PLCB1: variants seen among roughly 807,000 people sequenced by gnomAD.
PLCB1 encodes 1-phosphatidylinositol 4,5-bisphosphate phosphodiesterase beta-1.
In PLCB1, 46 loss-of-function variants were observed where a neutral mutation model predicts 161.8. The observed-to-expected ratio is 0.28, with a 90% CI of 0.22 to 0.36. The LOEUF is 0.36. Among genes scored for constraint, PLCB1 ranks in the 10% least tolerant of loss-of-function variants. The probability of loss-of-function intolerance (pLI) is 1.00; values close to 1 mark genes in which losing one functional copy is unlikely to be tolerated. For missense variants in PLCB1, 1,016 were observed against 1,472.5 expected, an observed-to-expected ratio of 0.69 and a Z score of 5.07; for synonymous variants, 517 against 503.7, an observed-to-expected ratio of 1.03 and a Z score of -0.35.
intron 3 of PLCB1, among the ~76,000 whole-genome samples, chr20:8,459,369 G>T (rs567630739): frequency 1.3e-5 from 2 of 152,182 alleles, no homozygotes; most frequent in Non-Finnish European, 2.9e-5. Context: ...GAAGTTGAAT[G>T]CTTAATTACT....
intron 3 of PLCB1, among the ~76,000 whole-genome samples, chr20:8,626,177 CAAAAAA>C (rs71184104): frequency 2.6e-5 from 3 of 117,486 alleles, no homozygotes; most frequent in Admixed American, 8.7e-5. Flanking sequence ...GACTCCATCT[CAAAAAA>C]AAAAAAAAAA....
At chr20:8,634,784 G>A (rs181284623) in intron 4 of PLCB1, among the ~76,000 whole-genome samples, 1 of 152,258 alleles carries the variant, frequency 6.6e-6, no homozygotes, top group Admixed American at 6.5e-5. Flanking sequence ...GCTGGGCACT[G>A]AGGATTCATC....
intron 3 of PLCB1, among the ~76,000 whole-genome samples, chr20:8,513,186 A>C (rs1983966204): frequency 1.3e-5 from 2 of 152,256 alleles, no homozygotes; most frequent in South Asian, 4.1e-4. Context: ...AAGAACAAGC[A>C]AAGTTGATCA....
intron 3 of PLCB1, among the ~76,000 whole-genome samples, chr20:8,400,820 A>G (rs708918): frequency 0.27 from 41,252 of 151,882 alleles, 5,985 homozygotes; most frequent in East Asian, 0.39. Flanking sequence ...TTGCTGCCTC[A>G]AACAATGCTT....
chr20:8,156,822 A>G (rs2051568156), intron 2 of PLCB1, among the ~76,000 whole-genome samples: 1 of 152,212 alleles, frequency 6.6e-6, no homozygotes, highest in Non-Finnish European at 1.5e-5. Context: ...TTAGCATAAC[A>G]CCTGCTACTT....
At chr20:8,689,970 T>TTTTTTTTTTTTTGAGACGGA (rs1555783592) in intron 10 of PLCB1, among the ~76,000 whole-genome samples, 1 of 140,294 alleles carries the variant, frequency 7.1e-6, no homozygotes, top group East Asian at 2.0e-4. Context: ...TCCAAATTTC[T>TTTTTTTTTTTTTGAGACGGA]GTACAATGGT....
At chr20:8,437,077 A>G (rs1980346139) in intron 3 of PLCB1, among the ~76,000 whole-genome samples, 1 of 152,168 alleles carries the variant, frequency 6.6e-6, no homozygotes. Context: ...GGCATGAGCC[A>G]CCGAGCCTGG....
intron 4 of PLCB1, among the ~76,000 whole-genome samples, chr20:8,630,870 C>T (rs1292570179): frequency 6.6e-6 from 1 of 152,102 alleles, no homozygotes; most frequent in Non-Finnish European, 1.5e-5. Flanking sequence ...TATTTAATTT[C>T]CTCTTCTCTG....
chr20:8,390,105 T>C (rs1484605233), intron 3 of PLCB1, among the ~76,000 whole-genome samples: 1 of 152,198 alleles, frequency 6.6e-6, no homozygotes, highest in Non-Finnish European at 1.5e-5. Context: ...ACGGTACTTG[T>C]ATCAGTCTTC....
At chr20:8,247,754 A>C (rs948043399) in intron 2 of PLCB1, among the ~76,000 whole-genome samples, 5 of 151,850 alleles carry the variant, frequency 3.3e-5, no homozygotes, top group African/African-American at 1.2e-4. Flanking sequence ...TGACCCTCTC[A>C]AGTCAGATCA....
chr20:8,254,105 A>T (rs1600264796), intron 2 of PLCB1, among the ~76,000 whole-genome samples: 1 of 152,022 alleles, frequency 6.6e-6, no homozygotes, highest in East Asian at 1.9e-4. Context: ...GTTTGTTATG[A>T]ATAGTGCTAT....
chr20:8,626,746 G>A (rs4432538), intron 3 of PLCB1, among the ~76,000 whole-genome samples: 78,462 of 151,932 alleles, frequency 0.52, 20,577 homozygotes, highest in Admixed American at 0.62. Context: ...TCTTCTGAGT[G>A]TACCAAAAAG....
At chr20:8,635,776 AAAAG>A (rs149221812) in intron 4 of PLCB1, among the ~76,000 whole-genome samples, 1 of 152,330 alleles carries the variant, frequency 6.6e-6, no homozygotes, top group Non-Finnish European at 1.5e-5. Context: ...TGGGAAATAG[AAAAG>A]AAAGAGGGAC....
At chr20:8,810,847 C>T (rs191490092) in intron 31 of PLCB1, among the ~76,000 whole-genome samples, 17 of 152,234 alleles carry the variant, frequency 1.1e-4, no homozygotes, top group African/African-American at 3.6e-4. Flanking sequence ...GCTTGTAGTC[C>T]CAGCTACTTG....
chr20:8,546,794 CAA>C (rs201816512), intron 3 of PLCB1, among the ~76,000 whole-genome samples: 4,458 of 117,132 alleles, frequency 0.038, 230 homozygotes, highest in African/African-American at 0.13. Context: ...ACCCTCTTGA[CAA>C]AAAAAAAAAA....
Position 8,132,562 on chromosome 20 carries a change from A to C in PLCB1, c.-90A>C. On this transcript the variant is annotated 5_prime_UTR_variant, in exon 1 of 32. Transcript: ENST00000338037. This position sits in a 1 kb window ranked among gnomAD's most constrained non-coding sequence, Gnocchi z 5.2. ...AGTCGAGCGCCTCCGGAGCAGAGAA[A>C]GGAGCCCGCGCCCCGCGCCCCGCGC... 4 of 781,398 alleles carry C rather than the reference A, an allele frequency of 5.1e-6. No homozygotes were observed. Among genetic ancestry groups the C allele is most frequent in the Non-Finnish European group, 7.5e-6 (4 of 531,796 alleles). 48.4% of individuals were successfully genotyped at this position (781,398 alleles called of 1,614,324 possible).
At position 8,826,262 on chromosome 20, in the gene PLCB1, G is replaced by A. The variant is rs11906696; in HGVS notation, c.3423+36001G>A. The stretch of plus-strand genomic sequence containing the variant: ...TGTAATCCCAGCACTTTGGGAGGCC[G>A]AGGCGGGTGGATCACGAGGTCAGGA... On this transcript the variant is annotated intron_variant, in intron 31 of 31. Coordinates refer to ENST00000338037, the MANE Select transcript of PLCB1 (RefSeq NM_015192.4). Among the ~76,000 whole-genome samples, 1,080 of 152,196 alleles carry A rather than the reference G, an allele frequency of 7.1e-3. 13 individuals are homozygous for A. Among genetic ancestry groups the A allele is most frequent in the African/African-American group, 0.025 (1,032 of 41,518 alleles).
chr20:8,394,178 C>T (rs965803824), intron 3 of PLCB1, among the ~76,000 whole-genome samples: 4 of 152,022 alleles, frequency 2.6e-5, no homozygotes, highest in African/African-American at 9.7e-5. Context: ...CCTAGTGTAC[C>T]ACTAGAGTGA....
At chr20:8,290,483 A>G (rs1983337967) in intron 2 of PLCB1, among the ~76,000 whole-genome samples, 1 of 152,170 alleles carries the variant, frequency 6.6e-6, no homozygotes, top group Non-Finnish European at 1.5e-5. Context: ...AACCAGGAAC[A>G]AGTCACCAAT....
Sources: gnomAD v4.1 joint callset for allele counts (sites outside exome capture counted in the v4.1 genomes callset) on GRCh38, gnomAD v4.1.1 for gene constraint, Gnocchi (gnomAD v3.1) non-coding constraint, MANE v1.5 for transcripts, NCBI Gene and HGNC (gene_info 2026-07-23, HGNC 2026-07-21) for gene names.